STIL: variants seen among roughly 807,000 people sequenced by gnomAD.
STIL encodes SCL-interrupting locus protein.
Under a neutral mutation model 110.1 loss-of-function variants are expected in STIL, and 55 were observed. The observed-to-expected ratio is 0.50, with a 90% CI of 0.40 to 0.63. The LOEUF (loss-of-function observed/expected upper bound fraction) is 0.63. Among genes scored for constraint, STIL ranks in the 20% least tolerant of loss-of-function variants. The probability of loss-of-function intolerance (pLI) is 0.00; values close to 1 mark genes in which losing one functional copy is unlikely to be tolerated. For missense variants in STIL, 1,358 were observed against 1,530.0 expected (o/e 0.89, Z 1.87); for synonymous variants, 481 against 530.0 (o/e 0.91, Z 1.27).
At chr1:47,260,829 C>T (rs1319083650) in intron 15 of STIL, among the ~76,000 whole-genome samples, 1 of 152,070 alleles carries the variant, frequency 6.6e-6, no homozygotes, top group African/African-American at 2.4e-5. Flanking sequence ...GATTGTGCCA[C>T]TATATCCTGC....
chr1:47,271,808 C>T (rs1240315611), intron 13 of STIL, among the ~76,000 whole-genome samples: 1 of 124,280 alleles, frequency 8.0e-6, no homozygotes, highest in South Asian at 2.6e-4. Context: ...GACTCCATTT[C>T]AAAAAAAAAA....
At chr1:47,270,240 AAAT>A (rs1295303852) in intron 13 of STIL, among the ~76,000 whole-genome samples, 2,177 of 117,884 alleles carry the variant, frequency 0.018, 90 homozygotes, top group African/African-American at 0.063. Context: ...AAAAAAAAAA[AAAT>A]ATATATATAT....
Position 47,251,662 on chromosome 1 carries a change from T to C in STIL, c.3341A>G (p.Asn1114Ser), listed in dbSNP as rs1644186761. 1 of 1,614,080 alleles carries C rather than the reference T, an allele frequency of 6.2e-7. No individual in the cohort carries two copies. Among genetic ancestry groups the C allele is most frequent in the African/African-American group, 1.3e-5 (1 of 74,930 alleles). Residue 1114 changes from asparagine (N) to serine (S), a missense_variant, in exon 17 of 17, where the codon AAC (asparagine) becomes AGC (serine). Transcript: ENST00000371877. ...TTTTTTGGTTGCAAATGACATGTTG[T>C]TTGGTGAAATTAAACTAAGCCCCAC... ...STVGLSLISP[N>S]NMSFATKKYM... is the part of the protein sequence containing the mutation.
chr1:47,304,422 C>G (rs1381291956), intron 3 of STIL, among the ~76,000 whole-genome samples: 1 of 152,182 alleles, frequency 6.6e-6, no homozygotes, highest in East Asian at 1.9e-4. Context: ...ATCTATCCTT[C>G]TTAGAATACT....
At chr1:47,274,507 C>T (rs1040686498) in intron 12 of STIL, among the ~76,000 whole-genome samples, 13 of 145,450 alleles carry the variant, frequency 8.9e-5, no homozygotes, top group Admixed American at 3.5e-4. Context: ...TTAGTAGAGA[C>T]GGAGTTTCAC....
chr1:47,304,975 T>C lies in STIL; in HGVS notation c.66A>G (p.Val22=), dbSNP rs1645910767. ...MNTRFPSSRM[V]PFHFPPSKCA... ...ATTTTGATGGAGGAAAGTGGAAAGG[T>C]ACCATCCTGCTTGAAGGAAACCTTT... Residue 22 remains valine (V), a synonymous_variant, in exon 3 of 17, where the codon GTA becomes GTG. Transcript: ENST00000371877. 1.2e-6 allele frequency: 2 copies of C among 1,604,478 alleles called. No homozygotes were observed. The highest frequency in any genetic ancestry group is 8.5e-7 in the Non-Finnish European group (1 of 1,171,492).
intron 14 of STIL, among the ~76,000 whole-genome samples, chr1:47,263,893 C>T (rs1644559436): frequency 6.6e-6 from 1 of 151,860 alleles, no homozygotes; most frequent in Admixed American, 6.6e-5. Flanking sequence ...GCTGGGATTA[C>T]AGGCATGCAC....
At chr1:47,258,478 A>C (rs1360891909) in intron 16 of STIL, among the ~76,000 whole-genome samples, 1 of 152,346 alleles carries the variant, frequency 6.6e-6, no homozygotes, top group Admixed American at 6.5e-5. Flanking sequence ...CAAGGGTACA[A>C]AAGAATATTA....
Position 47,251,398 on chromosome 1 carries a change from T to C in STIL, c.3605A>G (p.Glu1202Gly). ...CTGTTTTGCTTTTGTCTGCAAAACT[T>C]CATTTGTAATATTTCTCAATACTGG... is the stretch of plus-strand genomic sequence containing the variant. The part of the protein sequence containing the change: ...DTPVLRNITN[E>G]VLQTKAKQQL... Residue 1202 changes from glutamate (E) to glycine (G), a missense_variant, in exon 17 of 17, where the codon GAA (glutamate) becomes GGA (glycine). By Grantham distance (98) the Glu-to-Gly change is moderately conservative. Coordinates refer to ENST00000371877, the MANE Select transcript of STIL (RefSeq NM_001048166.1). 1 of 1,614,226 alleles carries C rather than the reference T, an allele frequency of 6.2e-7. No homozygotes were observed. Among genetic ancestry groups the C allele is most frequent in the Non-Finnish European group, 8.5e-7 (1 of 1,180,030 alleles).
chr1:47,306,379 A>C (rs1014155342), intron 2 of STIL, among the ~76,000 whole-genome samples: 1 of 151,684 alleles, frequency 6.6e-6, no homozygotes, highest in Admixed American at 6.6e-5. Flanking sequence ...GGAGCCTCTC[A>C]AGCAGCTAAG....
intron 10 of STIL, among the ~76,000 whole-genome samples, chr1:47,285,252 G>C (rs961026554): frequency 2.6e-5 from 4 of 151,244 alleles, no homozygotes; most frequent in African/African-American, 9.7e-5. Flanking sequence ...GGCTGGTCTC[G>C]AACTCCTGAG....
intron 12 of STIL, among the ~76,000 whole-genome samples, chr1:47,276,454 C>T (rs1644994446): frequency 6.6e-6 from 1 of 151,870 alleles, no homozygotes; most frequent in South Asian, 2.1e-4. Context: ...CAATTTCCTT[C>T]ATATACAATG....
chr1:47,265,262 A>AAAAAAAACC (rs1644614983), intron 14 of STIL, among the ~76,000 whole-genome samples: 1 of 148,524 alleles, frequency 6.7e-6, no homozygotes, highest in Non-Finnish European at 1.5e-5. Flanking sequence ...AAAAAAAAAC[A>AAAAAAAACC]CAAGATTGGA....
chr1:47,263,447 A>AG (rs1644540291), intron 14 of STIL, among the ~76,000 whole-genome samples: 2 of 152,224 alleles, frequency 1.3e-5, no homozygotes, highest in Non-Finnish European at 2.9e-5. Flanking sequence ...CAGGAGGCTG[A>AG]GCAAGAGGAT....
rs757546096 is a variant in STIL at position 47,272,114 on chromosome 1, A to G, written c.2345T>C (p.Leu782Ser). 5.6e-6 allele frequency: 9 copies of G among 1,614,192 alleles called. No homozygotes were observed. The South Asian group carries it at 9.9e-5, about 18-fold the overall frequency. The change falls in exon 13 of 17, where the codon TTG becomes TCG. Residue 782 changes from leucine to serine, a missense_variant. By Grantham distance (145) the Leu-to-Ser change is moderately radical. Transcript: ENST00000371877. Reference sequence around the variant, plus strand: ...AATGCTTACACCTTTTCTCATGTGCAAGCCAGGGGAAGACTGTGCTTCCAC... The same window carrying G: ...AATGCTTACACCTTTTCTCATGTGCGAGCCAGGGGAAGACTGTGCTTCCAC... ...VSVEAQSSPG[L>S]HMRKGVSIAV...
chr1:47,274,676 C>T (rs1644936304), intron 12 of STIL, among the ~76,000 whole-genome samples: 1 of 149,806 alleles, frequency 6.7e-6, no homozygotes, highest in Admixed American at 6.7e-5. Flanking sequence ...TTTAAAGTTC[C>T]TCTCCTCAAG....
intron 10 of STIL, among the ~76,000 whole-genome samples, chr1:47,285,460 CT>C (rs1335484307): frequency 6.6e-6 from 1 of 152,052 alleles, no homozygotes; most frequent in African/African-American, 2.4e-5. Flanking sequence ...AAGATAATAT[CT>C]TTTTTATTTT....
intron 16 of STIL, among the ~76,000 whole-genome samples, chr1:47,255,138 CAAT>C (rs1557700042): frequency 6.6e-6 from 1 of 151,650 alleles, no homozygotes; most frequent in African/African-American, 2.4e-5. Context: ...AAAAAAAAAT[CAAT>C]AATACTCAGA....
rs1488881552 is a variant in STIL at position 47,282,406 on chromosome 1, C to T, written c.1187G>A (p.Gly396Asp). ...GKMPIHDHDSGVEDEDFSPRP... is the reference protein window; with the variant it reads ...GKMPIHDHDSDVEDEDFSPRP... ...TGGAGAAAAATCTTCATCTTCAACA[C>T]CAGAGTCGTGATCATGTATTGGCAT... Residue 396 changes from glycine to aspartate, a missense_variant, in exon 11 of 17, where the codon GGT (glycine) becomes GAT (aspartate). By Grantham distance (94) the Gly-to-Asp change is moderately conservative (BLOSUM62 -1). Coordinates refer to ENST00000371877, the MANE Select transcript of STIL (RefSeq NM_001048166.1). 6.2e-7 allele frequency: 1 copy of T among 1,613,270 alleles called. No individual in the cohort carries two copies. The highest frequency in any genetic ancestry group is 1.1e-5 in the South Asian group (1 of 91,068).
Sources: allele counts gnomAD v4.1 joint callset (sites outside exome capture counted in the v4.1 genomes callset), GRCh38; gene constraint gnomAD v4.1.1; transcripts MANE v1.5; gene names NCBI Gene and HGNC (gene_info 2026-07-23, HGNC 2026-07-21).